Variants in STXBP6 observed in about 807,000 individuals in gnomAD.
STXBP6 encodes syntaxin binding protein 6.
STXBP6 carries 21 observed loss-of-function variants against 26.9 expected under a neutral mutation model. The ratio of observed to expected loss-of-function variants is 0.78; its 90% CI spans 0.55 to 1.12. The LOEUF (loss-of-function observed/expected upper bound fraction) is 1.12. STXBP6 is among the 50% of genes most tolerant of loss of function. The pLI is 0.00. For missense variants in STXBP6, 232 were observed against 257.9 expected, an observed-to-expected ratio of 0.90 and a Z score of 0.69; for synonymous variants, 97 against 92.6, an observed-to-expected ratio of 1.05 and a Z score of -0.27.
intron 1 of STXBP6, among the ~76,000 whole-genome samples, chr14:25,043,252 G>A (rs2075671501): frequency 6.6e-6 from 1 of 152,218 alleles, no homozygotes; most frequent in South Asian, 2.1e-4. Context: ...ACTTTCGAAT[G>A]AGAGAGTAAC....
At chr14:24,925,449 C>T (rs996611006) in intron 2 of STXBP6, among the ~76,000 whole-genome samples, 21 of 152,068 alleles carry the variant, frequency 1.4e-4, no homozygotes, top group African/African-American at 4.6e-4. Flanking sequence ...CAGAAAATAC[C>T]CTATGAGATA....
intron 2 of STXBP6, among the ~76,000 whole-genome samples, chr14:24,871,380 G>T (rs1454973969): frequency 2.0e-5 from 3 of 152,160 alleles, no homozygotes. Flanking sequence ...ATGGCACTGA[G>T]GAAGAAAAGA....
chr14:25,035,006 T>C (rs1215493489), intron 1 of STXBP6, among the ~76,000 whole-genome samples: 1 of 151,758 alleles, frequency 6.6e-6, no homozygotes, highest in Non-Finnish European at 1.5e-5. Context: ...CAAAAATTAG[T>C]TGGGAATGGA....
At chr14:24,963,297 G>A (rs1000596632) in intron 2 of STXBP6, among the ~76,000 whole-genome samples, 1 of 152,184 alleles carries the variant, frequency 6.6e-6, no homozygotes, top group African/African-American at 2.4e-5. Context: ...GGCGGCTAAT[G>A]CTTCCTTTCA....
At chr14:24,927,027 C>T (rs906847539) in intron 2 of STXBP6, among the ~76,000 whole-genome samples, 52 of 152,040 alleles carry the variant, frequency 3.4e-4, no homozygotes, top group African/African-American at 7.7e-4. Flanking sequence ...TTTTAGTGGA[C>T]GCAAACAAGT....
chr14:24,879,808 A>C (rs567710626), intron 2 of STXBP6, among the ~76,000 whole-genome samples: 32 of 152,246 alleles, frequency 2.1e-4, no homozygotes, highest in African/African-American at 7.0e-4. Flanking sequence ...ATAAAAAGCC[A>C]AGCAGAGATC....
intron 1 of STXBP6, among the ~76,000 whole-genome samples, chr14:25,025,804 T>C (rs2075339053): frequency 6.6e-6 from 1 of 152,150 alleles, no homozygotes; most frequent in African/African-American, 2.4e-5. Context: ...TAAAATGAAG[T>C]CAGAGGATTC....
In STXBP6 at chr14:24,857,048, A is replaced by C. The variant is rs777120725; in HGVS notation, c.264T>G (p.Val88=). 6.2e-7 allele frequency: 1 copy of C among 1,612,944 alleles called. No individual in the cohort carries two copies. Residue 88 remains valine (V), a synonymous_variant, in exon 3 of 6, where the codon GTT becomes GTG. Transcript: ENST00000323944. ...TCACCCCATTAGGATCGATACCATT[A>C]ACCTGGCGAAGCTGCTCGAGCATCC... ...SQWMLEQLRQ[V]NGIDPNGDSA...
At chr14:24,996,620 G>A (rs568502376) in intron 1 of STXBP6, among the ~76,000 whole-genome samples, 1 of 152,054 alleles carries the variant, frequency 6.6e-6, no homozygotes, top group African/African-American at 2.4e-5. Context: ...GGGAGGCTGA[G>A]GCAGGTGGAT....
chr14:25,039,467 T>C (rs2075606600), intron 1 of STXBP6, among the ~76,000 whole-genome samples: 1 of 152,218 alleles, frequency 6.6e-6, no homozygotes, highest in East Asian at 1.9e-4. Flanking sequence ...ACTGTCTTTG[T>C]ATAAATTGCA....
chr14:24,908,521 T>C (rs2071460050), intron 2 of STXBP6, among the ~76,000 whole-genome samples: 1 of 152,216 alleles, frequency 6.6e-6, no homozygotes, highest in Non-Finnish European at 1.5e-5. Flanking sequence ...CTGGGCCCAC[T>C]ACCCCTTCAA....
chr14:24,867,907 C>T (rs1270051533), intron 2 of STXBP6, among the ~76,000 whole-genome samples: 1 of 152,134 alleles, frequency 6.6e-6, no homozygotes, highest in Non-Finnish European at 1.5e-5. Context: ...ATCTGATAAA[C>T]TTGTATCTGC....
intron 1 of STXBP6, among the ~76,000 whole-genome samples, chr14:25,031,035 G>A (rs971576879): frequency 6.6e-6 from 1 of 152,010 alleles, no homozygotes; most frequent in Non-Finnish European, 1.5e-5. Flanking sequence ...GTCCAGACCA[G>A]ACATAAAATA....
chr14:24,899,802 A>AAC (rs1566458063), intron 2 of STXBP6, among the ~76,000 whole-genome samples: 4 of 83,442 alleles, frequency 4.8e-5, no homozygotes, highest in East Asian at 3.1e-4. Flanking sequence ...AAAAAAAAGC[A>AAC]AAAAAAAAAA....
intron 2 of STXBP6, among the ~76,000 whole-genome samples, chr14:24,857,440 A>G (rs2069378693): frequency 6.6e-6 from 1 of 152,118 alleles, no homozygotes. Context: ...AAATGACTTA[A>G]GTGAATAACA....
At chr14:24,818,130 G>C (rs928297936) in intron 5 of STXBP6, 21 of 456,648 alleles carry the variant, frequency 4.6e-5, no homozygotes, top group African/African-American at 3.6e-4. Context: ...TATTTGAAGG[G>C]CCAGATCATA....
At chr14:24,898,191 G>A (rs1393991176) in intron 2 of STXBP6, among the ~76,000 whole-genome samples, 2 of 152,192 alleles carry the variant, frequency 1.3e-5, no homozygotes, top group East Asian at 1.9e-4. Context: ...CACTGACCGA[G>A]CATCCCAGGT....
At chr14:25,019,174 A>T (rs1184339970) in intron 1 of STXBP6, among the ~76,000 whole-genome samples, 1 of 152,242 alleles carries the variant, frequency 6.6e-6, no homozygotes. Flanking sequence ...TATAATGCTT[A>T]TCAGAAACTT....
At chr14:24,833,086 AG>A (rs1309717175) in intron 4 of STXBP6, among the ~76,000 whole-genome samples, 1 of 152,196 alleles carries the variant, frequency 6.6e-6, no homozygotes. Context: ...TCATATCATG[AG>A]AGTTTCCATG....
Sources: allele counts gnomAD v4.1 joint callset (sites outside exome capture counted in the v4.1 genomes callset), GRCh38; gene constraint gnomAD v4.1.1; transcripts MANE v1.5; gene names NCBI Gene and HGNC (gene_info 2026-07-23, HGNC 2026-07-21).